Variants in NCBP1 observed in about 807,000 individuals in gnomAD.
NCBP1 encodes nuclear cap-binding protein subunit 1.
A neutral mutation model predicts 111.7 loss-of-function variants in NCBP1; 16 were observed. That is an observed-to-expected ratio of 0.14 (90% CI 0.10 to 0.22). The LOEUF (loss-of-function observed/expected upper bound fraction) is 0.22. Among genes scored for constraint, NCBP1 ranks in the 10% least tolerant of loss-of-function variants. The pLI, the probability that NCBP1 is intolerant of heterozygous loss-of-function variation, is 1.00. For synonymous variants in NCBP1, 304 were observed against 314.3 expected (o/e 0.97, Z 0.35); for missense variants, 607 against 957.5 (o/e 0.63, Z 4.83).
intron 1 of NCBP1, among the ~76,000 whole-genome samples, chr9:97,639,282 A>G (rs1482050206): frequency 6.6e-6 from 1 of 152,150 alleles, no homozygotes; most frequent in Admixed American, 6.5e-5. Context: ...TGTAACCTTT[A>G]TAATACCCCC....
intron 15 of NCBP1, among the ~76,000 whole-genome samples, chr9:97,659,196 G>C (rs1254329291): frequency 1.3e-5 from 2 of 152,182 alleles, no homozygotes; most frequent in Non-Finnish European, 2.9e-5. Flanking sequence ...CATAAATCAG[G>C]GAGTGTAATT....
intron 1 of NCBP1, among the ~76,000 whole-genome samples, chr9:97,639,831 A>T (rs57188235): frequency 0.039 from 5,941 of 152,216 alleles, 407 homozygotes; most frequent in African/African-American, 0.13. Flanking sequence ...CAAGGGTCTT[A>T]ATAGACAGGT....
chr9:97,648,352 A>G (rs1827404335), intron 8 of NCBP1, 129 bp downstream of exon 8: 5 of 770,910 alleles, frequency 6.5e-6, no homozygotes, highest in South Asian at 1.8e-5. Context: ...GTCAGTAGCA[A>G]TGAAGTTAAC....
intron 1 of NCBP1, 128 bp downstream of exon 1, chr9:97,634,043 AGAG>A (rs1826916145): frequency 8.4e-7 from 1 of 1,194,358 alleles, no homozygotes; most frequent in Non-Finnish European, 1.1e-6. Flanking sequence ...GCGGAGGGAA[AGAG>A]GAGAATATGG....
At chr9:97,635,207 C>G (rs1826974459) in intron 1 of NCBP1, among the ~76,000 whole-genome samples, 1 of 152,178 alleles carries the variant, frequency 6.6e-6, no homozygotes, top group African/African-American at 2.4e-5. Context: ...GTCCAGCTTT[C>G]TATCTGACAC....
intron 9 of NCBP1, 57 bp from the exon 10 acceptor site, chr9:97,651,253 A>T: frequency 6.9e-7 from 1 of 1,451,450 alleles, no homozygotes; most frequent in Non-Finnish European, 9.4e-7. Context: ...GAAACTGCTT[A>T]TTTGACTTTT....
intron 1 of NCBP1, 64 bp downstream of exon 1, chr9:97,633,979 G>C (rs1412021129): frequency 6.7e-7 from 1 of 1,496,342 alleles, no homozygotes. Context: ...CGGCGTCTTT[G>C]GGTGTCCACG....
At chr9:97,663,341 C>T (rs1827893791) in intron 18 of NCBP1, among the ~76,000 whole-genome samples, 1 of 152,038 alleles carries the variant, frequency 6.6e-6, no homozygotes, top group Non-Finnish European at 1.5e-5. Flanking sequence ...ATTTCTCAAA[C>T]CTTGATATAT....
At chr9:97,635,428 T>C (rs894505540) in intron 1 of NCBP1, among the ~76,000 whole-genome samples, 2 of 148,142 alleles carry the variant, frequency 1.4e-5, no homozygotes, top group African/African-American at 2.4e-5. Flanking sequence ...TTTTTTTTTT[T>C]CTGAGACGGA....
Position 97,655,996 on chromosome 9 carries a change from A to G in NCBP1, c.1299-15A>G, listed in dbSNP as rs773068279. Reference sequence around the variant, plus strand: ...ATTATATGTAAGCATTGATAAAACTACATTTCCTCCTTAGGTCAGATTGTC... The same window carrying G: ...ATTATATGTAAGCATTGATAAAACTGCATTTCCTCCTTAGGTCAGATTGTC... On this transcript the variant is annotated splice_polypyrimidine_tract_variant and intron_variant, in intron 13 of 22. Transcript: ENST00000375147. 1.3e-5 allele frequency: 21 copies of G among 1,609,906 alleles called. No homozygotes were observed. Among genetic ancestry groups the G allele is most frequent in the Non-Finnish European group, 1.6e-5 (19 of 1,176,450 alleles).
At chr9:97,640,554 A>G (rs1038403245) in intron 1 of NCBP1, among the ~76,000 whole-genome samples, 6 of 152,084 alleles carry the variant, frequency 3.9e-5, no homozygotes, top group Non-Finnish European at 8.8e-5. Flanking sequence ...CTCCATGGGC[A>G]CTACTCACAC....
At chr9:97,633,998 T>C in intron 1 of NCBP1, 83 bp downstream of exon 1, 7 of 1,412,916 alleles carry the variant, frequency 5.0e-6, no homozygotes, top group Non-Finnish European at 6.6e-6. Context: ...CGGAAGAGAC[T>C]GGAAGCTCTT....
In NCBP1 at chr9:97,647,490, A is replaced by G; in HGVS notation, c.612-2A>G. 6.2e-7 allele frequency: 1 copy of G among 1,609,816 alleles called. No individual in the cohort carries two copies. Among genetic ancestry groups the G allele is most frequent in the Non-Finnish European group, 8.5e-7 (1 of 1,176,712 alleles). On this transcript the variant is annotated splice_acceptor_variant, in intron 6 of 22. Coordinates refer to ENST00000375147, the MANE Select transcript of NCBP1 (RefSeq NM_002486.5). LOFTEE classifies it high-confidence loss of function. ...AATGTAGATTTTCATTTTTATCTTTAGAAGACGCCAAAAGACTCATGTACC... is the reference window on the plus strand; with the variant it reads ...AATGTAGATTTTCATTTTTATCTTTGGAAGACGCCAAAAGACTCATGTACC...
chr9:97,641,695 A>T (rs1333471434), intron 3 of NCBP1, 33 bp downstream of exon 3: 1 of 1,553,176 alleles, frequency 6.4e-7, no homozygotes, highest in Non-Finnish European at 8.8e-7. Flanking sequence ...AATCCAGGTG[A>T]TAATGTATTA....
chr9:97,647,153 T>C (rs1244518233), intron 6 of NCBP1, among the ~76,000 whole-genome samples: 3 of 152,180 alleles, frequency 2.0e-5, no homozygotes, highest in Non-Finnish European at 2.9e-5. Context: ...TTTATGTACA[T>C]GTGCAAATAT....
In NCBP1 at chr9:97,663,071, G is replaced by C. The variant is rs1326305473; in HGVS notation, c.1797+24G>C. On this transcript the variant is annotated intron_variant, in intron 18 of 22. Transcript: ENST00000375147. ...AGGTAAAAATTATTTAATTAGACAT[G>C]TTGAAGCTCTGATTGTATGGGTATA... 7 of 1,533,466 alleles carry C rather than the reference G, an allele frequency of 4.6e-6. No homozygotes were observed. In the South Asian group the frequency reaches 8.0e-5, roughly 18 times the overall value. 95.0% of individuals were successfully genotyped at this position (1,533,466 alleles called of 1,614,324 possible).
chr9:97,657,849 A>G, intron 14 of NCBP1, among the ~76,000 whole-genome samples: 1 of 148,460 alleles, frequency 6.7e-6, no homozygotes. Flanking sequence ...TTGATGCCCA[A>G]ATTGTCCCTG....
chr9:97,654,033 G>T (rs1827571414), intron 11 of NCBP1, 125 bp downstream of exon 11: 3 of 697,616 alleles, frequency 4.3e-6, no homozygotes, highest in Non-Finnish European at 7.1e-6. Context: ...TGTTGTGTGT[G>T]TGTATTACAT....
chr9:97,640,432 G>A (rs1827174079), intron 1 of NCBP1, among the ~76,000 whole-genome samples: 1 of 152,140 alleles, frequency 6.6e-6, no homozygotes, highest in African/African-American at 2.4e-5. Context: ...AACAACTCAA[G>A]TTAAAAGAAT....
Sources: gnomAD v4.1 joint callset for allele counts (sites outside exome capture counted in the v4.1 genomes callset) on GRCh38, gnomAD v4.1.1 for gene constraint, MANE v1.5 for transcripts, NCBI Gene and HGNC (gene_info 2026-07-23, HGNC 2026-07-21) for gene names.